SYNM: variants seen among roughly 807,000 people sequenced by gnomAD.
SYNM encodes desmuslin.
In SYNM, 95 loss-of-function variants were observed where a neutral mutation model predicts 104.0. The ratio of observed to expected loss-of-function variants is 0.91; its 90% CI spans 0.77 to 1.08. The LOEUF is 1.08. SYNM is among the 50% of genes least tolerant of loss of function. The pLI is 0.00. For missense variants in SYNM, 2,150 were observed against 2,052.2 expected (o/e 1.05, Z -0.92); for synonymous variants, 918 against 869.0 (o/e 1.06, Z -0.99).
rs781831400 is a variant in SYNM, at chr15:99,105,884, C to T, written c.685C>T (p.Leu229=). The T allele has an allele frequency of 5.8e-6, 9 of 1,538,816 alleles. No homozygotes were observed. Among genetic ancestry groups the T allele is most frequent in the Middle Eastern group, 2.3e-4 (1 of 4,362 alleles). Residue 229 remains leucine, a synonymous_variant, in exon 1 of 4, where the codon CTG becomes TTG. Transcript: ENST00000336292. ...ACTCCAGGCGGAGGAAGAGACGCGG[C>T]TGTGCGCGCAGGAGGCAGAGGCGCT... ...SRLQAEEETR[L]CAQEAEALRR...
chr15:99,126,758 G>A lies in SYNM; in HGVS notation c.972G>A (p.Val324=). 2.5e-6 allele frequency: 4 copies of A among 1,580,268 alleles called. No homozygotes were observed. Among genetic ancestry groups the A allele is most frequent in the Non-Finnish European group, 3.4e-6 (4 of 1,162,188 alleles). The change falls in exon 3 of 4, where the codon GTG becomes GTA. Residue 324 remains valine, a synonymous_variant. Coordinates refer to ENST00000336292, the MANE Select transcript of SYNM (RefSeq NM_145728.3). ...AAGGAGAAAGTAATCCAGAGATAGT[G>A]ATCTGGGCTGAGCACGTTGAAAACA... ...LLEGESNPEI[V]IWAEHVENMP... is the part of the protein sequence containing the mutation.
intron 3 of SYNM, among the ~76,000 whole-genome samples, chr15:99,127,892 C>T (rs782653876): frequency 8.5e-5 from 13 of 152,222 alleles, no homozygotes; most frequent in East Asian, 1.9e-4. Context: ...CCAGGAGCTC[C>T]GAGGAAGACC....
In SYNM at chr15:99,105,939, T is replaced by A. The variant is rs571341865; in HGVS notation, c.740T>A (p.Leu247Gln). The A allele has an allele frequency of 6.6e-7, 1 of 1,525,120 alleles. No individual in the cohort carries two copies. Among genetic ancestry groups the A allele is most frequent in the Admixed American group, 2.0e-5 (1 of 50,014 alleles). The allele number at this position is 1,525,120 out of a possible 1,614,324, so 94.5% of individuals were successfully genotyped here. A position where few individuals can be genotyped will look rare whatever the true frequency, so the allele number is the denominator to read the frequency against. The change falls in exon 1 of 4, where the codon CTG becomes CAG. Residue 247 changes from leucine (L) to glutamine (Q), a missense_variant. Transcript: ENST00000336292. ...LRREALGLEQ[L>Q]RARLEDALLR... ...CGCGAGGCGCTCGGGTTGGAGCAGC[T>A]GCGCGCGCGGCTGGAGGACGCGCTG...
At chr15:99,120,510 C>T (rs1195904806) in intron 2 of SYNM, among the ~76,000 whole-genome samples, 1 of 152,110 alleles carries the variant, frequency 6.6e-6, no homozygotes, top group African/African-American at 2.4e-5. Flanking sequence ...TGGAGGGCCA[C>T]GTGTGATGGA....
chr15:99,109,237 T>A (rs1010832245), intron 1 of SYNM, among the ~76,000 whole-genome samples: 11 of 152,224 alleles, frequency 7.2e-5, no homozygotes, highest in Non-Finnish European at 1.5e-4. Context: ...GAGAAGAGTT[T>A]GCTGAACTGA....
At chr15:99,117,430 G>T (rs1047179039) in intron 2 of SYNM, among the ~76,000 whole-genome samples, 1 of 152,216 alleles carries the variant, frequency 6.6e-6, no homozygotes, top group Non-Finnish European at 1.5e-5. Flanking sequence ...CATGGACTGA[G>T]ACTGGGGTGG....
At chr15:99,114,643 G>C (rs868912646) in intron 2 of SYNM, among the ~76,000 whole-genome samples, 1 of 152,078 alleles carries the variant, frequency 6.6e-6, no homozygotes, top group African/African-American at 2.4e-5. Context: ...TTGAGTTCAA[G>C]GTAACCAACT....
At chr15:99,139,792 C>A (rs782720086), downstream of SYNM, 10 of 1,262,034 alleles carry the variant, frequency 7.9e-6, 1 homozygote, top group South Asian at 3.8e-5. Flanking sequence ...TAAACACATA[C>A]TCTACTTTTA....
At chr15:99,138,001 G>T (rs782128561), downstream of SYNM, 8 of 1,614,082 alleles carry the variant, frequency 5.0e-6, no homozygotes, top group Non-Finnish European at 6.8e-6. Flanking sequence ...CTTTTTCAGG[G>T]TGGGGGCCTC....
In SYNM at chr15:99,132,950, G is replaced by A. The variant is rs2067528631; in HGVS notation, c.4590G>A (p.Val1530=). ...AGCAGGCCATGTTTGATAAGAAGGT[G>A]CAGCTCCAGAGAATGGTAGACCAAA... is the stretch of plus-strand genomic sequence containing the variant. ...GKEQAMFDKK[V]QLQRMVDQRS... is the part of the protein sequence containing the mutation. The change falls in exon 4 of 4, where the codon GTG becomes GTA. Residue 1530 remains valine, a synonymous_variant. Transcript: ENST00000336292. The A allele has an allele frequency of 6.2e-7, 1 of 1,613,710 alleles. No individual in the cohort carries two copies. The highest frequency in any genetic ancestry group is 1.3e-5 in the African/African-American group (1 of 74,858).
In SYNM at chr15:99,130,514, A is replaced by G; in HGVS notation, c.2154A>G (p.Lys718=). 6.2e-7 allele frequency: 1 copy of G among 1,613,932 alleles called. No individual in the cohort carries two copies. The highest frequency in any genetic ancestry group is 8.5e-7 in the Non-Finnish European group (1 of 1,179,888). The change falls in exon 4 of 4, where the codon AAA becomes AAG. Residue 718 remains lysine (K), a synonymous_variant. Coordinates refer to ENST00000336292, the MANE Select transcript of SYNM (RefSeq NM_145728.3). ...AGGATATTAAGGAAGTGGGGCTGAA[A>G]GGCAAGTCAGCCGAGCAGATGATAG... The part of the protein sequence containing the change: ...LSKDIKEVGL[K]GKSAEQMIGD...
chr15:99,113,641 G>A lies in SYNM; in HGVS notation c.861G>A (p.Met287Ile). Residue 287 changes from methionine to isoleucine, a missense_variant, in exon 2 of 4, where the codon ATG (methionine) becomes ATA (isoleucine). By Grantham distance (10) the Met-to-Ile change is conservative (BLOSUM62 1). Transcript: ENST00000336292. ...AGAAGGCAACCCTCACCTTGGCCAT[G>A]GCTGACTGGCTGCGGGACTATCAGG... ...EDEKATLTLA[M>I]ADWLRDYQDL... 6.2e-7 allele frequency: 1 copy of A among 1,613,570 alleles called. No individual in the cohort carries two copies. The highest frequency in any genetic ancestry group is 8.5e-7 in the Non-Finnish European group (1 of 1,179,684).
chr15:99,136,634 A>G (rs529501504), downstream of SYNM: 2 of 152,154 alleles, frequency 1.3e-5, no homozygotes, highest in African/African-American at 4.8e-5. Flanking sequence ...CCTCTCCAAG[A>G]CCCCACCCCC....
chr15:99,136,234 T>TGGGGG (rs2067585763), downstream of SYNM: 1 of 57,822 alleles, frequency 1.7e-5, no homozygotes, highest in South Asian at 5.4e-4. Flanking sequence ...CTTCCTGGGG[T>TGGGGG]GGGGTGGGGT....
Position 99,105,496 on chromosome 15 carries a change from TGCGGAGGAGCGCGCCGCCC to T in SYNM, c.302_320del (p.Glu101AlafsTer46). 1 of 1,309,722 alleles carries T rather than the reference TGCGGAGGAGCGCGCCGCCC, an allele frequency of 7.6e-7. No homozygotes were observed. The highest frequency in any genetic ancestry group is 3.7e-5 in the Admixed American group (1 of 26,790). 81.1% of individuals were successfully genotyped at this position (1,309,722 alleles called of 1,614,324 possible). On this transcript the variant is annotated frameshift_variant, in exon 1 of 4. Coordinates refer to ENST00000336292, the MANE Select transcript of SYNM (RefSeq NM_145728.3). LOFTEE classifies it high-confidence loss of function. ...AGCTGCGGGAGCTGCAGCGCCTGGA[TGCGGAGGAGCGCGCCGCCC>T]GCGGCCGCCTGGACGCCGAGCTGGG...
At chr15:99,126,920 C>G (rs1344078813) in intron 3 of SYNM, 128 bp downstream of exon 3, 2 of 738,512 alleles carry the variant, frequency 2.7e-6, no homozygotes, top group Non-Finnish European at 4.3e-6. Flanking sequence ...GAGTTCATCT[C>G]TCATTTAAGT....
rs782600157 is a variant in SYNM at position 99,131,842 on chromosome 15, C to T, written c.3482C>T (p.Ala1161Val). ...EVSAGGDLSQAASPTGASRSV... is the reference protein window; with the variant it reads ...EVSAGGDLSQVASPTGASRSV... The stretch of plus-strand genomic sequence containing the variant: ...AGTGCGGGAGGTGACCTAAGTCAGG[C>T]AGCGAGCCCGACCGGAGCCAGCCGG... Residue 1161 changes from alanine (A) to valine (V), a missense_variant, in exon 4 of 4, where the codon GCA becomes GTA. Coordinates refer to ENST00000336292, the MANE Select transcript of SYNM (RefSeq NM_145728.3). This position sits in a 1 kb window ranked among gnomAD's most constrained non-coding sequence, Gnocchi z 4.3. The T allele has an allele frequency of 6.2e-7, 1 of 1,613,830 alleles. No individual in the cohort carries two copies. Among genetic ancestry groups the T allele is most frequent in the South Asian group, 1.1e-5 (1 of 91,084 alleles).
In SYNM at chr15:99,129,768, G is replaced by A. The variant is rs1596134303; in HGVS notation, c.1408G>A (p.Glu470Lys). Residue 470 changes from glutamate to lysine, a missense_variant, in exon 4 of 4, where the codon GAG becomes AAG. Transcript: ENST00000336292. Reference protein sequence around the residue: ...YIGEDSTIARESYRDRRDKVA... With the variant: ...YIGEDSTIARKSYRDRRDKVA... Reference sequence around the variant, plus strand: ...AGGTGAAGATTCCACAATTGCCCGCGAGTCGTACCGGGATCGCCGAGACAA... The same window carrying A: ...AGGTGAAGATTCCACAATTGCCCGCAAGTCGTACCGGGATCGCCGAGACAA... The A allele has an allele frequency of 5.6e-6, 9 of 1,613,418 alleles. No homozygotes were observed. Among genetic ancestry groups the A allele is most frequent in the Admixed American group, 1.7e-5 (1 of 59,988 alleles).
intron 3 of SYNM, among the ~76,000 whole-genome samples, chr15:99,128,173 AGTTCT>A (rs1555485237): frequency 6.6e-6 from 1 of 152,212 alleles, no homozygotes; most frequent in Non-Finnish European, 1.5e-5. Flanking sequence ...GCTTCTAGAT[AGTTCT>A]GTTCTGTTGA....
Sources: allele counts gnomAD v4.1 joint callset (sites outside exome capture counted in the v4.1 genomes callset), GRCh38; gene constraint gnomAD v4.1.1; non-coding constraint Gnocchi (gnomAD v3.1); transcripts MANE v1.5; gene names NCBI Gene and HGNC (gene_info 2026-07-23, HGNC 2026-07-21).